The following COG5 variants were observed in gnomAD, a reference collection of about 807,000 sequenced individuals.
COG5 encodes component of oligomeric golgi complex 5.
A neutral mutation model predicts 110.4 loss-of-function variants in COG5; 86 were observed. The ratio of observed to expected loss-of-function variants is 0.78; its 90% CI spans 0.65 to 0.93. The LOEUF is 0.93. Ranked by LOEUF, COG5 falls within the 40% of genes least tolerant of loss-of-function variation. The pLI is 0.00. For synonymous variants in COG5, 360 were observed against 334.6 expected, an observed-to-expected ratio of 1.08 and a Z score of -0.83; for missense variants, 1,077 against 987.0, an observed-to-expected ratio of 1.09 and a Z score of -1.22.
chr7:107,383,825 T>C (rs190418613), intron 7 of COG5, among the ~76,000 whole-genome samples: 2 of 152,302 alleles, frequency 1.3e-5, no homozygotes, highest in African/African-American at 4.8e-5. Flanking sequence ...CTCTCTTCAC[T>C]GATAGGTAAC....
chr7:107,245,170 A>T (rs1347069717), intron 17 of COG5, among the ~76,000 whole-genome samples: 2 of 152,224 alleles, frequency 1.3e-5, no homozygotes, highest in Non-Finnish European at 2.9e-5. Flanking sequence ...ACACTTCTTC[A>T]TGTTAAAAAT....
At chr7:107,555,060 C>T (rs1803207420) in intron 2 of COG5, among the ~76,000 whole-genome samples, 1 of 152,138 alleles carries the variant, frequency 6.6e-6, no homozygotes, top group Non-Finnish European at 1.5e-5. Flanking sequence ...TCAGCACCAC[C>T]AAGGCTACAT....
chr7:107,309,226 T>C (rs1005174331), intron 11 of COG5, among the ~76,000 whole-genome samples: 3 of 152,138 alleles, frequency 2.0e-5, no homozygotes, highest in Admixed American at 6.5e-5. Flanking sequence ...CATATCAATA[T>C]GATTATTCAT....
intron 10 of COG5, among the ~76,000 whole-genome samples, chr7:107,340,143 G>A (rs565812840): frequency 1.9e-4 from 28 of 151,138 alleles, no homozygotes; most frequent in Admixed American, 5.9e-4. Context: ...GATTAACAAA[G>A]AAAAAAAAGA....
chr7:107,505,108 G>A (rs1036842014), intron 6 of COG5, among the ~76,000 whole-genome samples: 3 of 152,104 alleles, frequency 2.0e-5, no homozygotes, highest in African/African-American at 7.2e-5. Flanking sequence ...GTCTCTTGAC[G>A]CTTAATCTCA....
intron 8 of COG5, among the ~76,000 whole-genome samples, chr7:107,370,584 G>A (rs1460349759): frequency 1.3e-5 from 2 of 151,622 alleles, no homozygotes; most frequent in East Asian, 1.9e-4. Context: ...TCAGGAGTTC[G>A]AGACCAGCCT....
At chr7:107,555,954 C>T (rs1487075073) in intron 2 of COG5, among the ~76,000 whole-genome samples, 1 of 150,450 alleles carries the variant, frequency 6.6e-6, no homozygotes, top group Non-Finnish European at 1.5e-5. Context: ...GCAGAGGTTG[C>T]AGTGAGCAAG....
chr7:107,457,744 T>C lies in COG5; in HGVS notation c.539-45112A>G, dbSNP rs529330968. Among the ~76,000 whole-genome samples, 12 of 152,296 alleles carry C rather than the reference T, an allele frequency of 7.9e-5. No individual in the cohort carries two copies. The South Asian group carries it at 2.5e-3, about 32-fold the overall frequency. On this transcript the variant is annotated intron_variant, in intron 6 of 21. Coordinates refer to ENST00000297135, the MANE Select transcript of COG5 (RefSeq NM_006348.5). ...TGCGCCCGGCCTAAAATAGGAGTTT[T>C]TGAAGTCTAAGAAAGAGAATAATGT...
chr7:107,297,031 T>C (rs536652946), intron 12 of COG5, among the ~76,000 whole-genome samples: 1 of 152,222 alleles, frequency 6.6e-6, no homozygotes, highest in Non-Finnish European at 1.5e-5. Flanking sequence ...CTAAACTTGC[T>C]GAGATGGTAT....
At chr7:107,422,151 A>T (rs931664434) in intron 6 of COG5, among the ~76,000 whole-genome samples, 7 of 152,198 alleles carry the variant, frequency 4.6e-5, no homozygotes, top group African/African-American at 1.4e-4. Flanking sequence ...AATCAAACCA[A>T]AAGTTGACTC....
intron 6 of COG5, among the ~76,000 whole-genome samples, chr7:107,450,565 T>A (rs550272554): frequency 5.3e-5 from 8 of 152,162 alleles, no homozygotes; most frequent in Non-Finnish European, 1.0e-4. Context: ...TACCCTATTC[T>A]GGAAAAACAT....
intron 7 of COG5, among the ~76,000 whole-genome samples, chr7:107,407,502 T>C (rs774457951): frequency 1.6e-4 from 24 of 152,058 alleles, no homozygotes; most frequent in Admixed American, 2.6e-4. Context: ...ATAAAAGATA[T>C]AGTACTAGGT....
chr7:107,378,747 A>T (rs1421684981), intron 7 of COG5, among the ~76,000 whole-genome samples: 1 of 152,080 alleles, frequency 6.6e-6, no homozygotes, highest in Admixed American at 6.6e-5. Flanking sequence ...GAAATGAACA[A>T]AGCCTCCAAG....
intron 12 of COG5, among the ~76,000 whole-genome samples, chr7:107,287,134 A>C (rs1309679662): frequency 6.6e-6 from 1 of 152,210 alleles, no homozygotes; most frequent in African/African-American, 2.4e-5. Context: ...TTTCAAAGAC[A>C]GTTTACTGGC....
intron 14 of COG5, among the ~76,000 whole-genome samples, chr7:107,273,286 A>G (rs1252512724): frequency 1.3e-5 from 2 of 152,178 alleles, no homozygotes; most frequent in Non-Finnish European, 2.9e-5. Flanking sequence ...TCTTATTATG[A>G]GTACAGGTAT....
intron 6 of COG5, among the ~76,000 whole-genome samples, chr7:107,434,688 T>A (rs1198278323): frequency 1.3e-5 from 2 of 152,068 alleles, no homozygotes; most frequent in Non-Finnish European, 2.9e-5. Flanking sequence ...TGAACAAAAT[T>A]GGCTGGGCGC....
At chr7:107,379,623 T>C (rs1814935714) in intron 7 of COG5, among the ~76,000 whole-genome samples, 1 of 128,596 alleles carries the variant, frequency 7.8e-6, no homozygotes, top group South Asian at 2.6e-4. Context: ...AAAGCGGGGG[T>C]TGCAATCCTA....
chr7:107,232,732 C>A (rs183255365), intron 18 of COG5, among the ~76,000 whole-genome samples: 152 of 152,222 alleles, frequency 1.0e-3, no homozygotes, highest in Non-Finnish European at 1.7e-3. Context: ...TCCAGAATTC[C>A]ATTAAACAAT....
In COG5 at chr7:107,378,730, G is replaced by A. The variant is rs181541674; in HGVS notation, c.670-5970C>T. ...CAAGAAGACAAGATTAGAGGAAAGAGTGAAAAGAAATGAACAAAGCCTCCA... is the reference window on the plus strand; with the variant it reads ...CAAGAAGACAAGATTAGAGGAAAGAATGAAAAGAAATGAACAAAGCCTCCA... On this transcript the variant is annotated intron_variant, in intron 7 of 21. Coordinates refer to ENST00000297135, the MANE Select transcript of COG5 (RefSeq NM_006348.5). Among the ~76,000 whole-genome samples, 53 of 152,216 alleles carry A rather than the reference G, an allele frequency of 3.5e-4. 1 individual carries two copies. The highest frequency in any genetic ancestry group is 2.1e-3 in the South Asian group (10 of 4,818).
Sources: gnomAD v4.1 joint callset for allele counts (sites outside exome capture counted in the v4.1 genomes callset) on GRCh38, gnomAD v4.1.1 for gene constraint, MANE v1.5 for transcripts, NCBI Gene and HGNC (gene_info 2026-07-23, HGNC 2026-07-21) for gene names.